Variants in CLIC4 observed in about 807,000 individuals in gnomAD.
CLIC4 encodes the protein chloride intracellular channel protein 4.
Under a neutral mutation model 24.6 loss-of-function variants are expected in CLIC4, and 13 were observed. That is an observed-to-expected ratio of 0.53 (90% CI 0.34 to 0.84). CLIC4 has a LOEUF of 0.84. CLIC4 is among the 40% of genes least tolerant of loss of function. CLIC4 has a pLI of 0.01. For synonymous variants in CLIC4, 104 were observed against 111.3 expected (o/e 0.93, Z 0.41); for missense variants, 227 against 301.7 (o/e 0.75, Z 1.83).
At chr1:24,812,641 T>G (rs1639625441) in intron 2 of CLIC4, among the ~76,000 whole-genome samples, 2 of 152,224 alleles carry the variant, frequency 1.3e-5, no homozygotes, top group Non-Finnish European at 2.9e-5. Flanking sequence ...AGCATTTTCT[T>G]ACCATAAATT....
chr1:24,787,615 C>T (rs901836857), intron 1 of CLIC4, among the ~76,000 whole-genome samples: 3 of 151,864 alleles, frequency 2.0e-5, no homozygotes, highest in Admixed American at 1.3e-4. Flanking sequence ...CTGCTCACTG[C>T]AAGCTCCGCC....
rs1639514162 is a variant in CLIC4, at chr1:24,803,497, G to A, written c.182+5646G>A. ...TAATGACTATGCTGGTAGTATTCAT[G>A]TGTCCCTTGTGAGGCTGTGAACAAT... On this transcript the variant is annotated intron_variant, in intron 2 of 5. Transcript: ENST00000374379. Among the ~76,000 whole-genome samples the A allele has an allele frequency of 2.6e-5, 4 of 152,188 alleles. No homozygotes were observed. In the South Asian group the frequency reaches 8.3e-4, roughly 32 times the overall value.
intron 1 of CLIC4, among the ~76,000 whole-genome samples, chr1:24,786,422 G>T (rs1639267959): frequency 6.6e-6 from 1 of 152,192 alleles, no homozygotes; most frequent in African/African-American, 2.4e-5. Flanking sequence ...TGCAATTCAA[G>T]AATTACCACA....
intron 1 of CLIC4, among the ~76,000 whole-genome samples, chr1:24,780,724 C>T (rs1440063985): frequency 1.3e-5 from 2 of 152,158 alleles, no homozygotes; most frequent in Admixed American, 6.5e-5. Context: ...TTTACTGAAT[C>T]GGAATCTGTA....
At chr1:24,763,670 T>C (rs1300166792) in intron 1 of CLIC4, among the ~76,000 whole-genome samples, 1 of 152,110 alleles carries the variant, frequency 6.6e-6, no homozygotes, top group Non-Finnish European at 1.5e-5. Flanking sequence ...CCAGCTAAAT[T>C]GAACTCTTCT....
At chr1:24,814,492 G>A (rs1376341138) in intron 3 of CLIC4, among the ~76,000 whole-genome samples, 1 of 152,184 alleles carries the variant, frequency 6.6e-6, no homozygotes, top group Non-Finnish European at 1.5e-5. Flanking sequence ...GGTTATTTGT[G>A]GACTGTAGGT....
chr1:24,768,683 C>T (rs1375487187), intron 1 of CLIC4, among the ~76,000 whole-genome samples: 3 of 151,994 alleles, frequency 2.0e-5, no homozygotes, highest in South Asian at 2.1e-4. Context: ...GAGGCTGAGG[C>T]GGTCAGTCAG....
intron 3 of CLIC4, among the ~76,000 whole-genome samples, chr1:24,820,036 C>T (rs1417210890): frequency 1.2e-5 from 1 of 83,604 alleles, no homozygotes; most frequent in African/African-American, 3.7e-5. Flanking sequence ...CTACCGCGCC[C>T]AGCCATACTT....
intron 4 of CLIC4, among the ~76,000 whole-genome samples, chr1:24,839,385 G>T (rs190432311): frequency 6.6e-6 from 1 of 152,004 alleles, no homozygotes; most frequent in Non-Finnish European, 1.5e-5. Context: ...CTGCAAGCTC[G>T]GCCTCCCGGG....
chr1:24,746,118 C>T (rs1262378169), intron 1 of CLIC4, among the ~76,000 whole-genome samples: 1 of 152,216 alleles, frequency 6.6e-6, no homozygotes, highest in African/African-American at 2.4e-5. Context: ...CATTTGCTCC[C>T]CACTGGTCTG....
intron 1 of CLIC4, among the ~76,000 whole-genome samples, chr1:24,757,507 G>A (rs553588076): frequency 4.3e-4 from 65 of 152,140 alleles, no homozygotes; most frequent in African/African-American, 1.5e-3. Context: ...TGGGAGGCTG[G>A]GGCAGGAGGA....
At chr1:24,796,993 C>T (rs931206273) in intron 1 of CLIC4, among the ~76,000 whole-genome samples, 7 of 148,502 alleles carry the variant, frequency 4.7e-5, no homozygotes, top group Non-Finnish European at 1.0e-4. Context: ...CTCGCTCTGT[C>T]GCCCAGGCTG....
rs961789047 is a variant in CLIC4, at chr1:24,771,973, G to C, written c.73-25769G>C. The C allele has an allele frequency of 8.7e-5, 31 of 354,980 alleles. 1 individual carries two copies. Among genetic ancestry groups the C allele is most frequent in the Admixed American group, 3.5e-4 (11 of 31,362 alleles). 22.0% of individuals were successfully genotyped at this position (354,980 alleles called of 1,614,324 possible). On this transcript the variant is annotated intron_variant, in intron 1 of 5. Coordinates refer to ENST00000374379, the MANE Select transcript of CLIC4 (RefSeq NM_013943.3). ...TAGCCTTAGGCTTGGCTTAAGCTTA[G>C]GCTTAGGCAGAAAGTTGAGCCCTGA...
intron 1 of CLIC4, among the ~76,000 whole-genome samples, chr1:24,754,734 A>G (rs1429970578): frequency 6.6e-6 from 1 of 152,006 alleles, no homozygotes; most frequent in African/African-American, 2.4e-5. Context: ...CTTGCCTCTT[A>G]TCTCTCAGTG....
chr1:24,809,707 C>T (rs533085036), intron 2 of CLIC4, among the ~76,000 whole-genome samples: 142 of 152,180 alleles, frequency 9.3e-4, no homozygotes, highest in African/African-American at 3.3e-3. Context: ...GTGATCCACC[C>T]GCTTCGGCCT....
intron 1 of CLIC4, among the ~76,000 whole-genome samples, chr1:24,770,076 GT>G (rs1639052634): frequency 6.6e-6 from 1 of 151,850 alleles, no homozygotes; most frequent in South Asian, 2.1e-4. Flanking sequence ...GCCTAAGATG[GT>G]CTTGAACTCC....
In CLIC4 at chr1:24,794,174, A is replaced by T. The variant is rs996851610; in HGVS notation, c.73-3568A>T. Among the ~76,000 whole-genome samples the T allele has an allele frequency of 5.9e-5, 9 of 152,184 alleles. No homozygotes were observed. In the South Asian group the frequency reaches 1.7e-3, roughly 28 times the overall value. On this transcript the variant is annotated intron_variant, in intron 1 of 5. Transcript: ENST00000374379. ...ATACATATGCATGTGTCTTTATGGT[A>T]GAATGATTTATATTCCTTTGGGTAT...
At chr1:24,829,748 G>A (rs1308306979) in intron 4 of CLIC4, among the ~76,000 whole-genome samples, 1 of 152,156 alleles carries the variant, frequency 6.6e-6, no homozygotes, top group African/African-American at 2.4e-5. Context: ...TAGAGGTTCT[G>A]ATTAGTTCCT....
chr1:24,805,067 A>G (rs1320065638), intron 2 of CLIC4, among the ~76,000 whole-genome samples: 6 of 145,938 alleles, frequency 4.1e-5, no homozygotes, highest in African/African-American at 1.5e-4. Context: ...AGCCTGGGCA[A>G]CAGAGTGAGA....
Sources: allele counts gnomAD v4.1 joint callset (sites outside exome capture counted in the v4.1 genomes callset), GRCh38; gene constraint gnomAD v4.1.1; transcripts MANE v1.5; gene names NCBI Gene and HGNC (gene_info 2026-07-23, HGNC 2026-07-21).